Variants in WNT5A observed in about 807,000 individuals in gnomAD.
WNT5A encodes protein Wnt-5a.
A neutral mutation model predicts 42.1 loss-of-function variants in WNT5A; 9 were observed. That is an observed-to-expected ratio of 0.21 (90% confidence interval 0.13 to 0.37). The LOEUF (loss-of-function observed/expected upper bound fraction) is 0.37, where lower values mean the gene tolerates loss of function less well. Among genes scored for constraint, WNT5A ranks in the 10% least tolerant of loss-of-function variants. WNT5A has a pLI of 1.00. For synonymous variants in WNT5A, 210 were observed against 210.0 expected (o/e 1.00, Z 0.00); for missense variants, 426 against 534.0 (o/e 0.80, Z 1.99).
At chr3:55,487,416 TAAAAAG>T (rs1163905302), upstream of WNT5A, 1 of 173,192 alleles carries the variant, frequency 5.8e-6, no homozygotes, top group Middle Eastern at 2.6e-3. Flanking sequence ...CAAATAATAA[TAAAAAG>T]AAATTCTTCA....
intron 4 of WNT5A, 137 bp from the exon 5 acceptor site, chr3:55,470,687 A>G (rs1405638384): frequency 3.7e-6 from 3 of 807,534 alleles, no homozygotes; most frequent in Non-Finnish European, 5.4e-6. Flanking sequence ...TATTTCCTTC[A>G]TTACCAGAAG....
chr3:55,490,451 G>C (rs1167933323), upstream of WNT5A: 3 of 152,188 alleles, frequency 2.0e-5, no homozygotes, highest in Non-Finnish European at 4.4e-5. Context: ...CCACTTTCCA[G>C]CTGTCACACC....
At chr3:55,473,823 CCTGTCCCAAA>C (rs1441625518) in intron 4 of WNT5A, among the ~76,000 whole-genome samples, 7 of 152,154 alleles carry the variant, frequency 4.6e-5, no homozygotes, top group Middle Eastern at 3.2e-3. Flanking sequence ...CAGAAAAATC[CCTGTCCCAAA>C]CTGAAAGCCA....
chr3:55,474,695 G>T (rs2051320527), intron 3 of WNT5A, 66 bp from the exon 4 acceptor site: 3 of 1,288,444 alleles, frequency 2.3e-6, no homozygotes, highest in Non-Finnish European at 3.0e-6. Context: ...GCTGCCGGGG[G>T]TGGGGGTGGG....
At chr3:55,491,629 T>A (rs541811735), upstream of WNT5A, among the ~76,000 whole-genome samples, 3 of 152,338 alleles carry the variant, frequency 2.0e-5, no homozygotes, top group South Asian at 6.2e-4. Context: ...ACCCCCCTTT[T>A]ATGCCCAGCA....
At chr3:55,482,327 G>C (rs928223546) in intron 1 of WNT5A, among the ~76,000 whole-genome samples, 2 of 152,192 alleles carry the variant, frequency 1.3e-5, no homozygotes, top group African/African-American at 4.8e-5. Flanking sequence ...GGAGCGAGTA[G>C]GTGGCGGGTG....
At chr3:55,480,529 C>G (rs116450993) in intron 2 of WNT5A, among the ~76,000 whole-genome samples, 3 of 152,124 alleles carry the variant, frequency 2.0e-5, no homozygotes, top group African/African-American at 7.2e-5. Flanking sequence ...TACAAGCACA[C>G]GTCTGAACAA....
Position 55,487,130 on chromosome 3 carries a change from G to A in WNT5A, c.-145C>T. ...CCGGCGCGCGTCCGGCGGGCGCAGT[G>A]AACCGGAGCTGAAGCGGGCACTGGC... On this transcript the variant is annotated 5_prime_UTR_variant, in exon 1 of 5. Coordinates refer to ENST00000264634, the MANE Select transcript of WNT5A (RefSeq NM_003392.7). 1.5e-6 allele frequency: 1 copy of A among 689,294 alleles called. No individual in the cohort carries two copies. The allele number at this position is 689,294 out of a possible 1,614,324, so 42.7% of individuals were successfully genotyped here. A position where few individuals can be genotyped will look rare whatever the true frequency, so the allele number is the denominator to read the frequency against.
chr3:55,470,801 A>T (rs932854933), intron 4 of WNT5A, among the ~76,000 whole-genome samples: 3 of 151,810 alleles, frequency 2.0e-5, no homozygotes, highest in Non-Finnish European at 2.9e-5. Context: ...TAGGAACAGG[A>T]AAAAAAAATT....
At chr3:55,484,456 C>T (rs2051533201) in intron 1 of WNT5A, among the ~76,000 whole-genome samples, 1 of 152,078 alleles carries the variant, frequency 6.6e-6, no homozygotes, top group South Asian at 2.1e-4. Flanking sequence ...TGTGTGTTGG[C>T]GCGCGCGGAG....
At chr3:55,497,878 G>A in the WNT5A span, among the ~76,000 whole-genome samples, 1 of 152,172 alleles carries the variant, frequency 6.6e-6, no homozygotes, top group Non-Finnish European at 1.5e-5. Flanking sequence ...ATGGAGAAGG[G>A]AATTAGGAAG....
chr3:55,474,272 C>G (rs898721913), intron 4 of WNT5A, 65 bp downstream of exon 4: 5 of 1,600,012 alleles, frequency 3.1e-6, no homozygotes, highest in Admixed American at 3.4e-5. Flanking sequence ...GGGAGAGACC[C>G]GAGGAGGCTG....
intron 1 of WNT5A, among the ~76,000 whole-genome samples, chr3:55,485,504 C>G (rs2051560449): frequency 6.6e-6 from 1 of 152,034 alleles, no homozygotes; most frequent in Non-Finnish European, 1.5e-5. Flanking sequence ...CAAACACACA[C>G]GCACACACAC....
At chr3:55,492,740 C>T (rs1046971399), upstream of WNT5A, among the ~76,000 whole-genome samples, 1 of 152,198 alleles carries the variant, frequency 6.6e-6, no homozygotes, top group African/African-American at 2.4e-5. Flanking sequence ...CTCTATGTGC[C>T]AGATGCTAGC....
chr3:55,496,493 C>T, the WNT5A span, among the ~76,000 whole-genome samples: 1 of 152,164 alleles, frequency 6.6e-6, no homozygotes, highest in Non-Finnish European at 1.5e-5. Context: ...TGAATAATAG[C>T]AAAGGATTAA....
Position 55,470,086 on chromosome 3 carries a change from C to T in WNT5A, c.*6G>A, listed in dbSNP as rs1298647476. On this transcript the variant is annotated 3_prime_UTR_variant, in exon 5 of 5. Coordinates refer to ENST00000264634, the MANE Select transcript of WNT5A (RefSeq NM_003392.7). ...GGGAGCGGGGCTGAGTGCTGGGTGG[C>T]ACCCACTACTTGCACACAAACTGGT... The T allele has an allele frequency of 1.2e-6, 2 of 1,613,872 alleles. No homozygotes were observed. The highest frequency in any genetic ancestry group is 1.3e-5 in the African/African-American group (1 of 74,936).
intron 1 of WNT5A, chr3:55,481,415 C>T: frequency 1.0e-6 from 1 of 984,406 alleles, no homozygotes; most frequent in Non-Finnish European, 1.2e-6. Context: ...CCGCCAGAGG[C>T]TGCCAAGGAG....
Position 55,487,282 on chromosome 3 carries a change from CG to C in WNT5A, c.-298del. 2.4e-6 allele frequency: 1 copy of C among 425,324 alleles called. No homozygotes were observed. Among genetic ancestry groups the C allele is most frequent in the Non-Finnish European group, 4.1e-6 (1 of 242,852 alleles). 26.3% of individuals were successfully genotyped at this position (425,324 alleles called of 1,614,324 possible). On this transcript the variant is annotated 5_prime_UTR_variant, in exon 1 of 5. Transcript: ENST00000264634. ...GGGCGCAACTAGGGAGCCGCCGGTC[CG>C]GCGAGGGCGCGCAGGCAACTGTTCC...
the WNT5A span, among the ~76,000 whole-genome samples, chr3:55,499,919 G>A: frequency 6.6e-6 from 1 of 151,486 alleles, no homozygotes; most frequent in East Asian, 1.9e-4. Context: ...AGTCTGCAGT[G>A]AGCCGAGATA....
Sources: gnomAD v4.1 joint callset for allele counts (sites outside exome capture counted in the v4.1 genomes callset) on GRCh38, gnomAD v4.1.1 for gene constraint, MANE v1.5 for transcripts, NCBI Gene and HGNC (gene_info 2026-07-23, HGNC 2026-07-21) for gene names.